The following EPS15 variants were observed in gnomAD, a reference collection of about 807,000 sequenced individuals.
The protein encoded by EPS15 is epidermal growth factor receptor substrate 15.
EPS15 carries 72 observed loss-of-function variants against 113.8 expected under a neutral mutation model. The ratio of observed to expected loss-of-function variants is 0.63; its 90% CI spans 0.52 to 0.77. The LOEUF (loss-of-function observed/expected upper bound fraction) is 0.77. Among genes scored for constraint, EPS15 ranks in the 30% least tolerant of loss-of-function variants. The pLI, the probability that EPS15 is intolerant of heterozygous loss-of-function variation, is 0.00. For missense variants in EPS15, 1,048 were observed against 1,045.8 expected (o/e 1.00, Z -0.03); for synonymous variants, 344 against 363.4 (o/e 0.95, Z 0.61).
At chr1:51,511,066 T>C (rs971055460) in intron 1 of EPS15, among the ~76,000 whole-genome samples, 2 of 151,940 alleles carry the variant, frequency 1.3e-5, no homozygotes, top group African/African-American at 4.8e-5. Context: ...CTTGGGAGGC[T>C]GAGGCAGGAG....
At chr1:51,478,333 T>C (rs1287472816) in intron 2 of EPS15, among the ~76,000 whole-genome samples, 1 of 152,290 alleles carries the variant, frequency 6.6e-6, no homozygotes, top group Non-Finnish European at 1.5e-5. Flanking sequence ...TCCCTTTATT[T>C]TGAGCCTATG....
At chr1:51,483,698 T>TG (rs1279005224) in intron 1 of EPS15, among the ~76,000 whole-genome samples, 4 of 151,222 alleles carry the variant, frequency 2.6e-5, no homozygotes, top group Non-Finnish European at 5.9e-5. Flanking sequence ...CCCAGCTACG[T>TG]GGAAGGCTGA....
chr1:51,487,097 T>C (rs1261436781), intron 1 of EPS15, among the ~76,000 whole-genome samples: 1 of 152,202 alleles, frequency 6.6e-6, no homozygotes, highest in African/African-American at 2.4e-5. Flanking sequence ...TTGGTTATAG[T>C]GAAGCATCAA....
At chr1:51,413,709 T>C (rs570265893) in intron 13 of EPS15, among the ~76,000 whole-genome samples, 3 of 152,336 alleles carry the variant, frequency 2.0e-5, no homozygotes, top group African/African-American at 7.2e-5. Flanking sequence ...ACTTTCATTA[T>C]TTGGAAATAA....
chr1:51,466,629 A>AT (rs1476189247), intron 5 of EPS15, among the ~76,000 whole-genome samples: 1 of 151,862 alleles, frequency 6.6e-6, no homozygotes. Context: ...CTCTCAAAAA[A>AT]AAATAAATAA....
In EPS15 at chr1:51,356,249, G is replaced by C. The variant is rs905567818; in HGVS notation, c.*451C>G. Reference sequence around the variant, plus strand: ...TTTGCACCAATCATAAAAGAAATAAGATATTCTTTCCCTTACCCTCACTCA... The same window carrying C: ...TTTGCACCAATCATAAAAGAAATAACATATTCTTTCCCTTACCCTCACTCA... On this transcript the variant is annotated 3_prime_UTR_variant, in exon 25 of 25. Transcript: ENST00000371733. 4.5e-6 allele frequency: 1 copy of C among 220,440 alleles called. No individual in the cohort carries two copies. Among genetic ancestry groups the C allele is most frequent in the African/African-American group, 2.2e-5 (1 of 44,664 alleles). 13.7% of individuals were successfully genotyped at this position (220,440 alleles called of 1,614,324 possible).
Position 51,402,177 on chromosome 1 carries a change from T to C in EPS15, c.1882+258A>G, listed in dbSNP as rs192413894. 1.6e-3 allele frequency among the ~76,000 whole-genome samples: 233 copies of C among 148,924 alleles called. 1 individual carries two copies. The highest frequency in any genetic ancestry group is 5.5e-3 in the African/African-American group (221 of 39,888). ...ATAAATAAATAAATACACACATACATACATACATACATACATAAAATTAGC... is the reference window on the plus strand; with the variant it reads ...ATAAATAAATAAATACACACATACACACATACATACATACATAAAATTAGC... On this transcript the variant is annotated intron_variant, in intron 18 of 24. Transcript: ENST00000371733.
chr1:51,458,732 G>A (rs1239868408), intron 8 of EPS15: 4 of 204,284 alleles, frequency 2.0e-5, no homozygotes, highest in Admixed American at 6.1e-5. Flanking sequence ...GTGAGACTCC[G>A]TCTAAAAAAA....
At chr1:51,419,286 CAG>C (rs1650525047) in intron 13 of EPS15, among the ~76,000 whole-genome samples, 1 of 151,936 alleles carries the variant, frequency 6.6e-6, no homozygotes, top group Non-Finnish European at 1.5e-5. Context: ...AAATCCTAAA[CAG>C]AAAGTTTTCA....
At chr1:51,423,343 A>G (rs914863203) in intron 12 of EPS15, 4 of 1,146,392 alleles carry the variant, frequency 3.5e-6, no homozygotes, top group African/African-American at 1.6e-5. Flanking sequence ...CCCACCTCCA[A>G]CCCTTATATA....
chr1:51,480,713 T>C (rs1644005415), intron 2 of EPS15, among the ~76,000 whole-genome samples: 1 of 152,150 alleles, frequency 6.6e-6, no homozygotes, highest in Non-Finnish European at 1.5e-5. Flanking sequence ...GGTTTCACCA[T>C]GTTGGCCAGC....
intron 21 of EPS15, among the ~76,000 whole-genome samples, chr1:51,384,484 T>G (rs1032646359): frequency 6.6e-6 from 1 of 151,836 alleles, no homozygotes; most frequent in Non-Finnish European, 1.5e-5. Flanking sequence ...CATTTTTTTG[T>G]AGAGACAGAG....
At position 51,403,536 on chromosome 1, in the gene EPS15, C is replaced by T. The variant is rs746604041; in HGVS notation, c.1678-4G>A. 1.3e-6 allele frequency: 2 copies of T among 1,517,172 alleles called. No individual in the cohort carries two copies. Among genetic ancestry groups the T allele is most frequent in the Non-Finnish European group, 1.8e-6 (2 of 1,111,206 alleles). 94.0% of individuals were successfully genotyped at this position (1,517,172 alleles called of 1,614,324 possible). Reference sequence around the variant, plus strand: ...GTAGTTCAGGACTACTTCTTGCCTACAAAATATTAATGCAAGTAGATTAAC... The same window carrying T: ...GTAGTTCAGGACTACTTCTTGCCTATAAAATATTAATGCAAGTAGATTAAC... On this transcript the variant is annotated splice_polypyrimidine_tract_variant and splice_region_variant and intron_variant, in intron 16 of 24. Transcript: ENST00000371733.
intron 13 of EPS15, among the ~76,000 whole-genome samples, chr1:51,418,546 T>C (rs1650459126): frequency 1.3e-5 from 2 of 151,638 alleles, no homozygotes; most frequent in South Asian, 2.1e-4. Flanking sequence ...GCAAAATAAG[T>C]TGGTAGTTAA....
rs1335265520 is a variant in EPS15, at chr1:51,365,971, G to A, written c.2178C>T (p.Asp726=). Residue 726 remains aspartate (D), a synonymous_variant, in exon 22 of 25, where the codon GAC becomes GAT. Coordinates refer to ENST00000371733, the MANE Select transcript of EPS15 (RefSeq NM_001981.3). ...GNESFGGGFA[D]FSTLSKVNNE... ...AGATTACCTTTGACAATGTGCTGAA[G>A]TCAGCAAATCCACCTCCAAATGATT... The A allele has an allele frequency of 2.5e-6, 4 of 1,611,156 alleles. No homozygotes were observed. The highest frequency in any genetic ancestry group is 3.4e-6 in the Non-Finnish European group (4 of 1,177,802).
chr1:51,403,685 A>C (rs1648806280), intron 16 of EPS15, among the ~76,000 whole-genome samples, 153 bp from the exon 17 acceptor site: 1 of 152,206 alleles, frequency 6.6e-6, no homozygotes, highest in Admixed American at 6.5e-5. Flanking sequence ...TTTTTAGGGA[A>C]ATGGTGTCAT....
intron 21 of EPS15, among the ~76,000 whole-genome samples, chr1:51,374,996 C>CTTTTTTTTTTTTT (rs761941054): frequency 9.2e-6 from 1 of 108,772 alleles, no homozygotes; most frequent in Non-Finnish European, 1.9e-5. Flanking sequence ...TAATATACTT[C>CTTTTTTTTTTTTT]TTTTTTTTTT....
At chr1:51,500,909 G>A (rs929667242) in intron 1 of EPS15, among the ~76,000 whole-genome samples, 16 of 151,720 alleles carry the variant, frequency 1.1e-4, no homozygotes, top group South Asian at 2.1e-4. Flanking sequence ...ACTTGAACCC[G>A]GGAGGTGGAG....
intron 21 of EPS15, among the ~76,000 whole-genome samples, chr1:51,385,653 G>C (rs902791708): frequency 6.6e-6 from 1 of 152,106 alleles, no homozygotes; most frequent in East Asian, 1.9e-4. Context: ...CGGCAACTAA[G>C]TGTCCATTAA....
Sources: allele counts gnomAD v4.1 joint callset (sites outside exome capture counted in the v4.1 genomes callset), GRCh38; gene constraint gnomAD v4.1.1; transcripts MANE v1.5; gene names NCBI Gene and HGNC (gene_info 2026-07-23, HGNC 2026-07-21).